The following USP6 variants were observed in gnomAD, a reference collection of about 807,000 sequenced individuals.
The protein encoded by USP6 is ubiquitin specific peptidase 6.
Under a neutral mutation model 175.7 loss-of-function variants are expected in USP6, and 128 were observed. That is an observed-to-expected ratio of 0.73 (90% CI 0.63 to 0.84). The LOEUF (loss-of-function observed/expected upper bound fraction) is 0.84, where lower values mean the gene tolerates loss of function less well. Among genes scored for constraint, USP6 ranks in the 40% least tolerant of loss-of-function variants. The pLI is 0.00. For missense variants in USP6, 1,498 were observed against 1,760.3 expected (o/e 0.85, Z 2.67); for synonymous variants, 562 against 630.6 (o/e 0.89, Z 1.63).
At position 5,130,362 on chromosome 17, in the gene USP6, C is replaced by A; in HGVS notation, c.-1-5C>A. On this transcript the variant is annotated splice_polypyrimidine_tract_variant and splice_region_variant and intron_variant, in intron 9 of 37. Transcript: ENST00000574788. ...GTGTAACCTTTAGACAATTTTGTCT[C>A]ACAGGATGGACATGGTAGAGAATGC... 1 of 1,614,056 alleles carries A rather than the reference C, an allele frequency of 6.2e-7. No homozygotes were observed. The highest frequency in any genetic ancestry group is 8.5e-7 in the Non-Finnish European group (1 of 1,179,996).
At position 5,155,511 on chromosome 17, in the gene USP6, C is replaced by A; in HGVS notation, c.2733C>A (p.Thr911=). The stretch of plus-strand genomic sequence containing the variant: ...TGATTGTTCCATGCACTGTGCATAC[C>A]CGGAAGAAAGACCTATATGATGCGG... The part of the protein sequence containing the change: ...MPLIVPCTVH[T]RKKDLYDAVW... The change falls in exon 31 of 38, where the codon ACC becomes ACA. Residue 911 remains threonine, a synonymous_variant. Transcript: ENST00000574788. 1 of 1,614,046 alleles carries A rather than the reference C, an allele frequency of 6.2e-7. No individual in the cohort carries two copies. Among genetic ancestry groups the A allele is most frequent in the Non-Finnish European group, 8.5e-7 (1 of 1,179,994 alleles).
Position 5,160,996 on chromosome 17 carries a change from A to G in USP6, c.2829-532A>G, listed in dbSNP as rs543592938. Among the ~76,000 whole-genome samples, 4 of 152,354 alleles carry G rather than the reference A, an allele frequency of 2.6e-5. No homozygotes were observed. In the South Asian group the frequency reaches 8.3e-4, roughly 32 times the overall value. On this transcript the variant is annotated intron_variant, in intron 31 of 37. Transcript: ENST00000574788. ...TGTAACTAACCTGCATGTTGTGCAC[A>G]TGTACCCTAAAGCTTAAAGTATAAT...
At chr17:5,131,421 CT>C (rs897241262) in intron 11 of USP6, among the ~76,000 whole-genome samples, 8 of 151,028 alleles carry the variant, frequency 5.3e-5, no homozygotes, top group Non-Finnish European at 1.0e-4. Flanking sequence ...AGGCGTGCCA[CT>C]TCTGAAACAC....
intron 22 of USP6, among the ~76,000 whole-genome samples, chr17:5,139,890 TGGA>T (rs1351884167): frequency 6.6e-6 from 1 of 152,186 alleles, no homozygotes; most frequent in Non-Finnish European, 1.5e-5. Context: ...GGCTCATGGC[TGGA>T]TAATTTCCCG....
rs143339907 is a variant in USP6 at position 5,117,052 on chromosome 17, G to GGTGA, written c.-1928+314_-1928+317dup. 2.0e-3 allele frequency among the ~76,000 whole-genome samples: 307 copies of GGTGA among 152,356 alleles called. 1 individual carries two copies. Among genetic ancestry groups the GGTGA allele is most frequent in the African/African-American group, 7.2e-3 (300 of 41,578 alleles). On this transcript the variant is annotated intron_variant, in intron 1 of 37. Transcript: ENST00000574788. Reference sequence around the variant, plus strand: ...CTTTGCAGAAAGCCTTCCCCAGCTAGGTGAGACTCCCCACTGTAGTATCAT... The same window carrying GGTGA: ...CTTTGCAGAAAGCCTTCCCCAGCTAGGTGAGTGAGACTCCCCACTGTAGTATCAT...
At chr17:5,119,309 A>G (rs2072600049) in intron 2 of USP6, among the ~76,000 whole-genome samples, 1 of 152,220 alleles carries the variant, frequency 6.6e-6, no homozygotes, top group South Asian at 2.1e-4. Flanking sequence ...GGTAGGTTTT[A>G]TTTTGTGGAA....
chr17:5,148,472 C>A (rs1167804197), intron 29 of USP6, 84 bp from the exon 30 acceptor site: 5 of 1,492,556 alleles, frequency 3.3e-6, no homozygotes, highest in Non-Finnish European at 4.6e-6. Flanking sequence ...ACTACACTGT[C>A]TCTCGTCCTC....
chr17:5,154,097 T>G (rs545926852), intron 30 of USP6, among the ~76,000 whole-genome samples: 20 of 152,364 alleles, frequency 1.3e-4, no homozygotes, highest in African/African-American at 4.8e-4. Context: ...GTTTTAAAAT[T>G]TTGTGAAATA....
intron 30 of USP6, among the ~76,000 whole-genome samples, chr17:5,151,129 G>T (rs1167307007): frequency 6.6e-6 from 1 of 152,014 alleles, no homozygotes; most frequent in Non-Finnish European, 1.5e-5. Flanking sequence ...GGTTCCAGGG[G>T]TTAGAACATG....
rs141935334 is a variant in USP6 at position 5,133,932 on chromosome 17, A to G, written c.430A>G (p.Ile144Val). The G allele has an allele frequency of 1.1e-5, 17 of 1,614,054 alleles. No individual in the cohort carries two copies. The African/African-American group carries it at 1.3e-4, about 13-fold the overall frequency. ...GKRSSEHIHH[I>V]DLDVRTTLRN... ...GAGGTCATCTGAACACATCCACCAC[A>G]TCGACCTGGACGTGAGGACGACTCT... The change falls in exon 15 of 38, where the codon ATC (isoleucine) becomes GTC (valine). Residue 144 changes from isoleucine (I) to valine (V), a missense_variant. By Grantham distance (29) the Ile-to-Val change is conservative. Around this residue, in one of 2 missense-constraint regions of USP6, gnomAD observed 281 missense variants for 259.6 expected, o/e 1.08. Coordinates refer to ENST00000574788, the MANE Select transcript of USP6 (RefSeq NM_001304284.2).
At chr17:5,168,164 A>G (rs1025734024) in intron 34 of USP6, 41 bp downstream of exon 34, 2 of 1,522,472 alleles carry the variant, frequency 1.3e-6, no homozygotes, top group Non-Finnish European at 1.8e-6. Flanking sequence ...GGAATCTAGC[A>G]TAAAAGAAAG....
In USP6 at chr17:5,170,685, G is replaced by A. The variant is rs1260126985; in HGVS notation, c.3724G>A (p.Ala1242Thr). 16 of 1,613,814 alleles carry A rather than the reference G, an allele frequency of 9.9e-6. No individual in the cohort carries two copies. Among genetic ancestry groups the A allele is most frequent in the Middle Eastern group, 1.6e-4 (1 of 6,066 alleles). Residue 1242 changes from alanine (A) to threonine (T), a missense_variant, in exon 36 of 38, where the codon GCC becomes ACC. By Grantham distance (58) the Ala-to-Thr change is moderately conservative (BLOSUM62 0). This residue lies in a region of USP6 where 1,217 missense variants were observed against 1,500.8 expected (regional missense o/e 0.81). Coordinates refer to ENST00000574788, the MANE Select transcript of USP6 (RefSeq NM_001304284.2). ...GAGQICELAD[A>T]LSRGHMRGGS... ...TGGGCAGATCTGTGAGCTGGCTGAC[G>A]CCTTGAGCCGAGGGCATATGCGGGG...
At chr17:5,122,597 C>A (rs2072718581) in intron 4 of USP6, among the ~76,000 whole-genome samples, 2 of 152,246 alleles carry the variant, frequency 1.3e-5, no homozygotes, top group Non-Finnish European at 2.9e-5. Context: ...CCAACCCAGC[C>A]CCGACCCTCC....
intron 31 of USP6, among the ~76,000 whole-genome samples, chr17:5,158,805 C>T (rs2144103061): frequency 6.6e-6 from 1 of 152,222 alleles, no homozygotes; most frequent in Non-Finnish European, 1.5e-5. Context: ...ATAAAATGGT[C>T]TTTGGTGATC....
intron 30 of USP6, among the ~76,000 whole-genome samples, chr17:5,149,627 G>A (rs1220640015): frequency 6.6e-6 from 1 of 151,966 alleles, no homozygotes; most frequent in Non-Finnish European, 1.5e-5. Flanking sequence ...GTGTGTTTAT[G>A]TAGGTATGTA....
intron 30 of USP6, among the ~76,000 whole-genome samples, chr17:5,154,623 G>C (rs138874572): frequency 0.012 from 1,881 of 152,120 alleles, 54 homozygotes; most frequent in African/African-American, 0.041. Flanking sequence ...AGAATTACTA[G>C]GTTTCACAAA....
rs1438484230 is a variant in USP6 at position 5,141,439 on chromosome 17, A to G, written c.1513A>G (p.Met505Val). The change falls in exon 23 of 38, where the codon ATG becomes GTG. Residue 505 changes from methionine to valine, a missense_variant. Around this residue, in one of 2 missense-constraint regions of USP6, gnomAD observed 1,217 missense variants for 1,500.8 expected, o/e 0.81. Transcript: ENST00000574788. ...TGTCCTTCCAGTTCACAACAAAGATATGAGTTGGCCTGAGGAGATGTCTTT... is the reference window on the plus strand; with the variant it reads ...TGTCCTTCCAGTTCACAACAAAGATGTGAGTTGGCCTGAGGAGATGTCTTT... ...EHCGEVHNKD[M>V]SWPEEMSFTA... 2.5e-6 allele frequency: 4 copies of G among 1,609,446 alleles called. No homozygotes were observed. In the South Asian group the frequency reaches 3.4e-5, roughly 14 times the overall value.
At chr17:5,121,912 G>C (rs529682099) in intron 4 of USP6, among the ~76,000 whole-genome samples, 162 bp downstream of exon 4, 23 of 152,308 alleles carry the variant, frequency 1.5e-4, no homozygotes, top group African/African-American at 5.1e-4. Flanking sequence ...GTCTGATTGA[G>C]GAGCCTTGAA....
In USP6 at chr17:5,168,025, G is replaced by C; in HGVS notation, c.3130G>C (p.Glu1044Gln). Residue 1044 changes from glutamate (E) to glutamine (Q), a missense_variant, in exon 34 of 38, where the codon GAA (glutamate) becomes CAA (glutamine). By Grantham distance (29) the Glu-to-Gln change is conservative. This residue lies in a region of USP6 where 1,217 missense variants were observed against 1,500.8 expected (regional missense o/e 0.81). Transcript: ENST00000574788. Reference sequence around the variant, plus strand: ...CTGTCTCCGTGCTTTCACCAGTGAGGAAGAGCTAGGGGAAAGTGAGATGTA... The same window carrying C: ...CTGTCTCCGTGCTTTCACCAGTGAGCAAGAGCTAGGGGAAAGTGAGATGTA... ...DSCLRAFTSE[E>Q]ELGESEMYYC... 1.2e-6 allele frequency: 2 copies of C among 1,612,016 alleles called. No homozygotes were observed. The highest frequency in any genetic ancestry group is 1.7e-6 in the Non-Finnish European group (2 of 1,179,852).
Sources: allele counts gnomAD v4.1 joint callset (sites outside exome capture counted in the v4.1 genomes callset), GRCh38; gene constraint gnomAD v4.1.1; regional missense constraint gnomAD v4.1.1; transcripts MANE v1.5; gene names NCBI Gene and HGNC (gene_info 2026-07-23, HGNC 2026-07-21).